The following UCHL5 variants were observed in gnomAD, a reference collection of about 807,000 sequenced individuals.
UCHL5 encodes ubiquitin carboxyl-terminal hydrolase isozyme L5.
UCHL5 carries 34 observed loss-of-function variants against 53.8 expected under a neutral mutation model. The observed-to-expected ratio is 0.63, with a 90% CI of 0.48 to 0.84. The LOEUF is 0.84. Ranked by LOEUF, UCHL5 falls within the 40% of genes least tolerant of loss-of-function variation. UCHL5 has a pLI of 0.00. For synonymous variants in UCHL5, 111 were observed against 126.3 expected, an observed-to-expected ratio of 0.88 and a Z score of 0.81; for missense variants, 290 against 385.6, an observed-to-expected ratio of 0.75 and a Z score of 2.08.
Position 193,014,676 on chromosome 1 carries a change from T to C in UCHL5, c.*1675A>G, listed in dbSNP as rs1344547701. The C allele has an allele frequency of 6.6e-6, 1 of 152,182 alleles. No individual in the cohort carries two copies. The highest frequency in any genetic ancestry group is 2.4e-5 in the African/African-American group (1 of 41,452). 9.4% of individuals were successfully genotyped at this position (152,182 alleles called of 1,614,324 possible). A position where few individuals can be genotyped will look rare whatever the true frequency, so the allele number is the denominator to read the frequency against. The stretch of plus-strand genomic sequence containing the variant: ...TCTATATGGATATTCAGCTATTCTA[T>C]TCTGGCTCCATTTGTTGAAAAGACT... On this transcript the variant is annotated 3_prime_UTR_variant, in exon 11 of 11. Transcript: ENST00000367454.
intron 1 of UCHL5, among the ~76,000 whole-genome samples, chr1:193,055,378 T>C (rs549945362): frequency 6.6e-6 from 1 of 152,318 alleles, no homozygotes; most frequent in African/African-American, 2.4e-5. Context: ...TCATGTGTAA[T>C]ACAGCCTCAC....
chr1:193,016,394 G>A lies in UCHL5; in HGVS notation c.944C>T (p.Ala315Val). The A allele has an allele frequency of 6.2e-7, 1 of 1,604,322 alleles. No individual in the cohort carries two copies. The highest frequency in any genetic ancestry group is 2.2e-5 in the East Asian group (1 of 44,564). The part of the protein sequence containing the change: ...HQQLIPLVEK[A>V]KEKQNAKKAQ... ...TTTCTTTGCGTTCTGTTTTTCTTTTGCCTAAAAATTAAAAATAGTATGTTA... is the reference window on the plus strand; with the variant it reads ...TTTCTTTGCGTTCTGTTTTTCTTTTACCTAAAAATTAAAAATAGTATGTTA... The change falls in exon 11 of 11, where the codon GCA (alanine) becomes GTA (valine). Residue 315 changes from alanine to valine, a missense_variant and splice_region_variant. Coordinates refer to ENST00000367454, the MANE Select transcript of UCHL5 (RefSeq NM_001199261.3).
intron 3 of UCHL5, among the ~76,000 whole-genome samples, chr1:193,045,926 T>C (rs776313061): frequency 6.6e-6 from 1 of 152,238 alleles, no homozygotes; most frequent in Non-Finnish European, 1.5e-5. Flanking sequence ...AGCTTTTCTC[T>C]ACTACGTAGA....
At chr1:193,037,101 A>ACAAAC (rs1269939174) in intron 3 of UCHL5, among the ~76,000 whole-genome samples, 1 of 151,874 alleles carries the variant, frequency 6.6e-6, no homozygotes, top group Non-Finnish European at 1.5e-5. Context: ...AAAAGCAGGA[A>ACAAAC]CAAACCAAAC....
intron 3 of UCHL5, among the ~76,000 whole-genome samples, chr1:193,033,887 C>G (rs1016466333): frequency 2.0e-5 from 3 of 152,044 alleles, no homozygotes; most frequent in Non-Finnish European, 4.4e-5. Flanking sequence ...AAAGTGAGAA[C>G]AGTGTGAACA....
intron 7 of UCHL5, 106 bp from the exon 8 acceptor site, chr1:193,024,052 A>G (rs1275974096): frequency 2.4e-6 from 2 of 827,146 alleles, no homozygotes; most frequent in African/African-American, 3.6e-5. Flanking sequence ...TATAAACAAA[A>G]GTCTATCAAT....
At chr1:193,034,505 T>C (rs1662665221) in intron 3 of UCHL5, among the ~76,000 whole-genome samples, 1 of 152,110 alleles carries the variant, frequency 6.6e-6, no homozygotes, top group Non-Finnish European at 1.5e-5. Flanking sequence ...TACAGGTCAA[T>C]TCTACAAAAA....
At chr1:193,058,413 TAG>T (rs1192794723) in intron 1 of UCHL5, among the ~76,000 whole-genome samples, 1 of 152,084 alleles carries the variant, frequency 6.6e-6, no homozygotes, top group Non-Finnish European at 1.5e-5. Flanking sequence ...ACTTGGGAAA[TAG>T]ATAAAAACGT....
chr1:193,050,025 G>C (rs551066367), intron 2 of UCHL5, among the ~76,000 whole-genome samples, 174 bp from the exon 3 acceptor site: 1 of 152,266 alleles, frequency 6.6e-6, no homozygotes, highest in Admixed American at 6.5e-5. Context: ...TGCCTTAGAA[G>C]ATGCTAATAC....
intron 9 of UCHL5, among the ~76,000 whole-genome samples, chr1:193,022,674 A>G (rs1036386665): frequency 6.6e-6 from 1 of 151,954 alleles, no homozygotes; most frequent in Non-Finnish European, 1.5e-5. Context: ...CAAAAAAAAA[A>G]AAAAAAAAGG....
Position 193,022,161 on chromosome 1 carries a change from C to T in UCHL5, c.843+765G>A, listed in dbSNP as rs1288474772. Among the ~76,000 whole-genome samples the T allele has an allele frequency of 3.3e-5, 5 of 152,072 alleles. No individual in the cohort carries two copies. The East Asian group carries it at 7.7e-4, about 23-fold the overall frequency. On this transcript the variant is annotated intron_variant, in intron 9 of 10. Coordinates refer to ENST00000367454, the MANE Select transcript of UCHL5 (RefSeq NM_001199261.3). ...CCTGGAATACTCTAGAGCCTGCCTG[C>T]CTGCCCCTACCACTTTCACCTGAAG...
chr1:193,017,552 T>C (rs902459474), intron 10 of UCHL5, among the ~76,000 whole-genome samples: 2 of 151,604 alleles, frequency 1.3e-5, no homozygotes, highest in East Asian at 1.9e-4. Context: ...AAGTTTTCTG[T>C]CCTCAAATAA....
chr1:193,033,518 CAA>C lies in UCHL5; in HGVS notation c.247-3863_247-3862del, dbSNP rs1491554019. 4.3e-4 allele frequency among the ~76,000 whole-genome samples: 65 copies of C among 151,174 alleles called. 1 individual carries two copies. The highest frequency in any genetic ancestry group is 1.3e-3 in the African/African-American group (53 of 41,318). ...TTCTGCACATGTATCTTAAAGTATA[CAA>C]TATATATATATATTAAGTTAAAAAA... On this transcript the variant is annotated intron_variant, in intron 3 of 10. Transcript: ENST00000367454.
At chr1:193,031,416 T>C (rs528388898) in intron 3 of UCHL5, among the ~76,000 whole-genome samples, 10 of 152,284 alleles carry the variant, frequency 6.6e-5, no homozygotes, top group African/African-American at 2.4e-4. Context: ...TCCATTATTT[T>C]AGGATTTTAA....
chr1:193,032,079 C>T (rs3820417), intron 3 of UCHL5, among the ~76,000 whole-genome samples: 114,585 of 152,042 alleles, frequency 0.75, 43,426 homozygotes, highest in Middle Eastern at 0.78. Flanking sequence ...CTACTCTCTA[C>T]TTCTTACACA....
chr1:193,037,810 C>T (rs550054082), intron 3 of UCHL5, among the ~76,000 whole-genome samples: 1 of 149,672 alleles, frequency 6.7e-6, no homozygotes, highest in Admixed American at 6.7e-5. Context: ...ATGGGTGCAG[C>T]ACACCAACAT....
At chr1:193,026,898 C>T (rs769796724) in intron 7 of UCHL5, among the ~76,000 whole-genome samples, 1 of 152,130 alleles carries the variant, frequency 6.6e-6, no homozygotes, top group Non-Finnish European at 1.5e-5. Flanking sequence ...ATCCATACCA[C>T]AGAATACCAT....
chr1:193,033,233 T>C (rs531087676), intron 3 of UCHL5, among the ~76,000 whole-genome samples: 1 of 152,214 alleles, frequency 6.6e-6, no homozygotes, highest in Non-Finnish European at 1.5e-5. Flanking sequence ...TGCAAGGACA[T>C]GGATGAAACT....
intron 1 of UCHL5, among the ~76,000 whole-genome samples, chr1:193,054,973 C>T (rs1670159907): frequency 6.6e-6 from 1 of 152,116 alleles, no homozygotes; most frequent in South Asian, 2.1e-4. Flanking sequence ...CCAAGAAAGC[C>T]ATCTAGTTTT....
Sources: gnomAD v4.1 joint callset for allele counts (sites outside exome capture counted in the v4.1 genomes callset) on GRCh38, gnomAD v4.1.1 for gene constraint, MANE v1.5 for transcripts, NCBI Gene and HGNC (gene_info 2026-07-23, HGNC 2026-07-21) for gene names.